The following AHSG variants were observed in gnomAD, a reference collection of about 807,000 sequenced individuals.
The protein encoded by AHSG is alpha-2-HS-glycoprotein.
A neutral mutation model predicts 30.1 loss-of-function variants in AHSG; 23 were observed. The ratio of observed to expected loss-of-function variants is 0.76; its 90% CI spans 0.55 to 1.08. AHSG has a LOEUF of 1.08. Ranked by LOEUF, AHSG falls within the 50% of genes least tolerant of loss-of-function variation. The pLI, the probability that AHSG is intolerant of heterozygous loss-of-function variation, is 0.00. For missense variants in AHSG, 469 were observed against 459.5 expected (o/e 1.02, Z -0.19); for synonymous variants, 164 against 186.3 (o/e 0.88, Z 0.98).
At chr3:186,614,395 A>C (rs1176212287) in intron 1 of AHSG, among the ~76,000 whole-genome samples, 3 of 152,238 alleles carry the variant, frequency 2.0e-5, no homozygotes, top group African/African-American at 7.2e-5. Flanking sequence ...AAAAGGCACA[A>C]TATGTGCCCA....
chr3:186,616,393 G>A (rs750452843), intron 2 of AHSG, 50 bp from the exon 3 acceptor site: 9 of 1,498,336 alleles, frequency 6.0e-6, no homozygotes, highest in East Asian at 2.3e-5. Flanking sequence ...GAGCCTGCCC[G>A]GGGTGCGAAG....
chr3:186,619,971 C>A, intron 6 of AHSG, 31 bp downstream of exon 6: 4 of 1,539,854 alleles, frequency 2.6e-6, no homozygotes, highest in Non-Finnish European at 1.8e-6. Context: ...CTTGCCTACA[C>A]CTTCAGAATA....
Position 186,620,626 on chromosome 3 carries a change from C to G in AHSG, c.800C>G (p.Ala267Gly). The G allele has an allele frequency of 6.2e-7, 1 of 1,610,128 alleles. No homozygotes were observed. Among genetic ancestry groups the G allele is most frequent in the African/African-American group, 1.3e-5 (1 of 74,974 alleles). Reference protein sequence around the residue: ...SQPQPEGANEAVPTPVVDPDA... With the variant: ...SQPQPEGANEGVPTPVVDPDA... ...CCCCAACCAGAAGGTGCCAATGAAG[C>G]AGTCCCCACACCCGTGGTGGACCCA... The change falls in exon 7 of 7, where the codon GCA becomes GGA. Residue 267 changes from alanine to glycine, a missense_variant. Coordinates refer to ENST00000411641, the MANE Select transcript of AHSG (RefSeq NM_001622.4).
At chr3:186,615,074 G>A (rs1293243931) in intron 1 of AHSG, among the ~76,000 whole-genome samples, 1 of 151,942 alleles carries the variant, frequency 6.6e-6, no homozygotes, top group African/African-American at 2.4e-5. Context: ...GTTGCATGCC[G>A]GCACCTGCTG....
rs778393456 is a variant in AHSG at position 186,617,336 on chromosome 3, C to A, written c.559C>A (p.Arg187=). 10 of 1,614,084 alleles carry A rather than the reference C, an allele frequency of 6.2e-6. No individual in the cohort carries two copies. The highest frequency in any genetic ancestry group is 8.5e-6 in the Non-Finnish European group (10 of 1,180,052). Reference sequence around the variant, plus strand: ...CAATTTTCAGCTGGAGGAAATTTCCCGGGCTCAGCTTGTGGTAAAGACTGA... The same window carrying A: ...CAATTTTCAGCTGGAGGAAATTTCCAGGGCTCAGCTTGTGGTAAAGACTGA... ...GSNFQLEEIS[R]AQLVPLPPST... The change falls in exon 4 of 7, where the codon CGG becomes AGG. Residue 187 remains arginine, a synonymous_variant. Coordinates refer to ENST00000411641, the MANE Select transcript of AHSG (RefSeq NM_001622.4).
At chr3:186,616,552 A>AT (rs747748363) in intron 3 of AHSG, 25 bp downstream of exon 3, 806 of 1,562,886 alleles carry the variant, frequency 5.2e-4, no homozygotes, top group Non-Finnish European at 6.1e-4. Context: ...TCTTATTCTC[A>AT]TTTTTTCCTT....
In AHSG at chr3:186,616,444, C is replaced by T; in HGVS notation, c.326C>T (p.Ala109Val). ...RCSVRQLKEHAVEGDCDFQLL... is the reference protein window; with the variant it reads ...RCSVRQLKEHVVEGDCDFQLL... ...CCTCACGTGGGTTTCTTTCTCCAGG[C>T]TGTCGAAGGAGACTGTGATTTCCAG... is the stretch of plus-strand genomic sequence containing the variant. The change falls in exon 3 of 7, where the codon GCT becomes GTT. Residue 109 changes from alanine to valine, a missense_variant and splice_region_variant. Ala to Val is a moderately conservative substitution (Grantham distance 64). Transcript: ENST00000411641. The T allele has an allele frequency of 6.2e-7, 1 of 1,612,670 alleles. No individual in the cohort carries two copies. The highest frequency in any genetic ancestry group is 8.5e-7 in the Non-Finnish European group (1 of 1,179,316).
chr3:186,619,563 A>G (rs1457664783), intron 5 of AHSG, among the ~76,000 whole-genome samples: 2 of 152,212 alleles, frequency 1.3e-5, no homozygotes, highest in Admixed American at 1.3e-4. Context: ...AGTCACAATG[A>G]TCTCAATTTT....
Position 186,620,852 on chromosome 3 carries a change from G to A in AHSG, c.1026G>A (p.Val342=), listed in dbSNP as rs1178245414. Residue 342 remains valine, a synonymous_variant, in exon 7 of 7, where the codon GTG becomes GTA. Transcript: ENST00000411641. ...EVSHPRKTRT[V]VQPSVGAAAG... is the part of the protein sequence containing the mutation. Reference sequence around the variant, plus strand: ...CGCACCCCCGGAAAACACGCACAGTGGTGCAGCCTAGTGTTGGTGCTGCTG... The same window carrying A: ...CGCACCCCCGGAAAACACGCACAGTAGTGCAGCCTAGTGTTGGTGCTGCTG... The A allele has an allele frequency of 1.9e-6, 3 of 1,614,190 alleles. No individual in the cohort carries two copies. The South Asian group carries it at 3.3e-5, about 18-fold the overall frequency.
chr3:186,616,212 A>C (rs2282663), intron 2 of AHSG, among the ~76,000 whole-genome samples: 8,232 of 152,178 alleles, frequency 0.054, 273 homozygotes, highest in Middle Eastern at 0.082. Context: ...TAATAATAAT[A>C]ATAATCATCA....
intron 1 of AHSG, 96 bp downstream of exon 1, chr3:186,613,450 A>G: frequency 8.9e-7 from 1 of 1,128,140 alleles, no homozygotes; most frequent in Non-Finnish European, 1.3e-6. Flanking sequence ...AAATGAAACC[A>G]CAGAGGAGTA....
rs1425217164 is a variant in AHSG, at chr3:186,617,357, A to T, written c.573+7A>T. The T allele has an allele frequency of 1.9e-6, 3 of 1,614,030 alleles. No individual in the cohort carries two copies. The African/African-American group carries it at 4.0e-5, about 22-fold the overall frequency. Reference sequence around the variant, plus strand: ...TTCCCGGGCTCAGCTTGTGGTAAAGACTGAGATTCTTTTGACAGGTTGGGC... The same window carrying T: ...TTCCCGGGCTCAGCTTGTGGTAAAGTCTGAGATTCTTTTGACAGGTTGGGC... On this transcript the variant is annotated splice_region_variant and intron_variant, in intron 4 of 6. Transcript: ENST00000411641.
intron 2 of AHSG, among the ~76,000 whole-genome samples, chr3:186,616,215 A>AATC (rs1560249221): frequency 6.6e-6 from 1 of 152,032 alleles, no homozygotes; most frequent in Non-Finnish European, 1.5e-5. Context: ...TAATAATAAT[A>AATC]ATCATCATCA....
intron 5 of AHSG, among the ~76,000 whole-genome samples, chr3:186,618,997 T>A (rs921388150): frequency 1.3e-5 from 2 of 152,148 alleles, no homozygotes; most frequent in Non-Finnish European, 2.9e-5. Flanking sequence ...AGGATTTTAG[T>A]CTAAAGAAGT....
intron 3 of AHSG, 88 bp downstream of exon 3, chr3:186,616,615 C>T: frequency 6.0e-6 from 7 of 1,163,368 alleles, no homozygotes; most frequent in Non-Finnish European, 8.6e-6. Context: ...GTAGTTCTAG[C>T]AGCTTTGTCG....
chr3:186,621,134 G>A lies in AHSG; in HGVS notation c.*204G>A. ...GGGTGGTGGTTATGTTTGACAGAAG[G>A]CATTAGGTTGACAACTTGTCATGAT... is the stretch of plus-strand genomic sequence containing the variant. On this transcript the variant is annotated 3_prime_UTR_variant, in exon 7 of 7. Transcript: ENST00000411641. 1 of 572,352 alleles carries A rather than the reference G, an allele frequency of 1.7e-6. No homozygotes were observed. The highest frequency in any genetic ancestry group is 3.1e-6 in the Non-Finnish European group (1 of 324,124). The allele number at this position is 572,352 out of a possible 1,614,324, so 35.5% of individuals were successfully genotyped here.
chr3:186,616,340 A>C, intron 2 of AHSG, 103 bp from the exon 3 acceptor site: 1 of 765,762 alleles, frequency 1.3e-6, no homozygotes, highest in South Asian at 1.8e-5. Flanking sequence ...TACCCAGCAA[A>C]GGCGATTTTG....
Position 186,617,567 on chromosome 3 carries a change from G to A in AHSG, c.573+217G>A, listed in dbSNP as rs959860596. The A allele has an allele frequency of 7.1e-6, 6 of 842,372 alleles. No homozygotes were observed. In the East Asian group the frequency reaches 1.7e-4, roughly 24 times the overall value. The allele number at this position is 842,372 out of a possible 1,614,324, so 52.2% of individuals were successfully genotyped here. On this transcript the variant is annotated intron_variant, in intron 4 of 6. Transcript: ENST00000411641. ...ACACCCTCAGCGCCTCCCCCATGCT[G>A]AGCCACTGTAACGTCCAGCAGCCAC...
rs369813420 is a variant in AHSG at position 186,620,802 on chromosome 3, T to C, written c.976T>C (p.Leu326=). Residue 326 remains leucine, a synonymous_variant, in exon 7 of 7, where the codon TTG becomes CTG. Transcript: ENST00000411641. ...LRHTFMGVVS[L]GSPSGEVSHP... Reference sequence around the variant, plus strand: ...CCACACCTTCATGGGTGTGGTCTCATTGGGGTCACCCTCAGGAGAAGTGTC... The same window carrying C: ...CCACACCTTCATGGGTGTGGTCTCACTGGGGTCACCCTCAGGAGAAGTGTC... The C allele has an allele frequency of 3.1e-6, 5 of 1,614,046 alleles. No individual in the cohort carries two copies. The African/African-American group carries it at 5.3e-5, about 17-fold the overall frequency.
Sources: gnomAD v4.1 joint callset for allele counts (sites outside exome capture counted in the v4.1 genomes callset) on GRCh38, gnomAD v4.1.1 for gene constraint, MANE v1.5 for transcripts, NCBI Gene and HGNC (gene_info 2026-07-23, HGNC 2026-07-21) for gene names.